The following PTPRQ variants were observed in gnomAD, a reference collection of about 807,000 sequenced individuals.
PTPRQ encodes the protein protein tyrosine phosphatase receptor type Q, also known as phosphatidylinositol phosphatase PTPRQ.
Under a neutral mutation model 246.0 loss-of-function variants are expected in PTPRQ, and 199 were observed. The observed-to-expected ratio is 0.81, with a 90% CI of 0.72 to 0.91. PTPRQ has a LOEUF of 0.91. Among genes scored for constraint, PTPRQ ranks in the 40% least tolerant of loss-of-function variants. The probability of loss-of-function intolerance (pLI) is 0.00; values close to 1 mark genes in which losing one functional copy is unlikely to be tolerated. For missense variants in PTPRQ, 2,624 were observed against 2,528.4 expected (o/e 1.04, Z -0.81); for synonymous variants, 869 against 853.2 (o/e 1.02, Z -0.32).
At chr12:80,678,118 G>A (rs1374265311) in intron 43 of PTPRQ, among the ~76,000 whole-genome samples, 1 of 152,012 alleles carries the variant, frequency 6.6e-6, no homozygotes, top group Non-Finnish European at 1.5e-5. Context: ...ATCTTAAGCA[G>A]GCCACATATC....
At chr12:80,677,488 T>A (rs114806434) in intron 43 of PTPRQ, among the ~76,000 whole-genome samples, 111 of 152,302 alleles carry the variant, frequency 7.3e-4, no homozygotes, top group African/African-American at 2.3e-3. Flanking sequence ...GTTGACTAGC[T>A]GTGAGAATTA....
At chr12:80,552,683 ATATATATATAT>A (rs1896521276) in intron 25 of PTPRQ, among the ~76,000 whole-genome samples, 11 of 125,032 alleles carry the variant, frequency 8.8e-5, no homozygotes, top group East Asian at 4.6e-4. Context: ...ATATATATAT[ATATATATATAT>A]TTGGAAATTT....
At chr12:80,673,338 T>C (rs1362776675) in intron 43 of PTPRQ, 34 bp downstream of exon 43, 1 of 1,530,336 alleles carries the variant, frequency 6.5e-7, no homozygotes, top group African/African-American at 1.4e-5. Flanking sequence ...CATTCTAAAG[T>C]TCTAGAATTT....
intron 6 of PTPRQ, among the ~76,000 whole-genome samples, chr12:80,468,344 A>T (rs891333188): frequency 6.6e-6 from 1 of 152,188 alleles, no homozygotes; most frequent in Admixed American, 6.5e-5. Flanking sequence ...CCAGATATCC[A>T]GACTTTGTTC....
intron 25 of PTPRQ, among the ~76,000 whole-genome samples, chr12:80,571,732 A>C (rs912141236): frequency 1.3e-5 from 2 of 151,904 alleles, no homozygotes; most frequent in Non-Finnish European, 2.9e-5. Flanking sequence ...TTTTTTTTGT[A>C]CATTTATCAA....
At chr12:80,491,044 C>T (rs1313234233) in intron 9 of PTPRQ, among the ~76,000 whole-genome samples, 3 of 151,790 alleles carry the variant, frequency 2.0e-5, no homozygotes, top group Admixed American at 2.0e-4. Flanking sequence ...TTTCTAATGT[C>T]AGAATATCAG....
intron 17 of PTPRQ, among the ~76,000 whole-genome samples, chr12:80,531,288 G>A (rs568840149): frequency 4.6e-5 from 7 of 151,924 alleles, no homozygotes; most frequent in African/African-American, 1.7e-4. Flanking sequence ...AAAAAAATCA[G>A]GATATAGAAC....
chr12:80,464,314 GCTAA>G (rs1324248139), intron 6 of PTPRQ, among the ~76,000 whole-genome samples: 2 of 107,792 alleles, frequency 1.9e-5, no homozygotes, highest in African/African-American at 7.4e-5. Context: ...AACAAGAAGA[GCTAA>G]CTATCCTAAA....
At chr12:80,496,143 A>C (rs1894612546) in intron 13 of PTPRQ, 37 bp downstream of exon 13, 2 of 1,543,714 alleles carry the variant, frequency 1.3e-6, no homozygotes, top group South Asian at 1.2e-5. Flanking sequence ...TTTTTTAAAA[A>C]AGTGGTTGTA....
At chr12:80,604,934 A>G in intron 26 of PTPRQ, 125 bp from the exon 27 acceptor site, 13 of 1,044,618 alleles carry the variant, frequency 1.2e-5, no homozygotes, top group Non-Finnish European at 1.6e-5. Flanking sequence ...TCTGTGAAAT[A>G]TAAATTAATG....
intron 8 of PTPRQ, 69 bp from the exon 9 acceptor site, chr12:80,484,364 G>T (rs10862139): frequency 6.8e-7 from 1 of 1,466,246 alleles, no homozygotes; most frequent in Non-Finnish European, 9.1e-7. Flanking sequence ...AAGAATTTAG[G>T]CACTTTTTTC....
chr12:80,556,668 T>C (rs1756987707), intron 25 of PTPRQ, among the ~76,000 whole-genome samples: 1 of 152,200 alleles, frequency 6.6e-6, no homozygotes, highest in African/African-American at 2.4e-5. Context: ...ATATCTTGGA[T>C]GGTTAGGTTG....
chr12:80,597,830 C>T (rs1487243068), intron 26 of PTPRQ, among the ~76,000 whole-genome samples: 1 of 151,920 alleles, frequency 6.6e-6, no homozygotes, highest in Non-Finnish European at 1.5e-5. Context: ...TCTATGGCTT[C>T]CCCAGTGATG....
intron 28 of PTPRQ, among the ~76,000 whole-genome samples, 180 bp downstream of exon 28, chr12:80,610,805 G>A (rs1284609761): frequency 6.7e-6 from 1 of 150,332 alleles, no homozygotes; most frequent in Non-Finnish European, 1.5e-5. Context: ...TATTTTTGAG[G>A]TAAAGAGGAG....
chr12:80,460,261 G>A (rs887356578), intron 5 of PTPRQ, among the ~76,000 whole-genome samples: 12 of 152,038 alleles, frequency 7.9e-5, no homozygotes, highest in Admixed American at 5.9e-4. Context: ...CTACTTTTTA[G>A]TACTTATGAG....
chr12:80,552,892 C>T (rs905061322), intron 25 of PTPRQ, among the ~76,000 whole-genome samples: 2 of 151,634 alleles, frequency 1.3e-5, no homozygotes, highest in Admixed American at 1.3e-4. Context: ...TGGTTCTAGA[C>T]TTATGGAGTC....
At chr12:80,642,237 C>T (rs914276085) in intron 35 of PTPRQ, among the ~76,000 whole-genome samples, 2 of 152,170 alleles carry the variant, frequency 1.3e-5, no homozygotes, top group Non-Finnish European at 2.9e-5. Flanking sequence ...GCCTGCCTGT[C>T]ATCTTGGCTA....
intron 35 of PTPRQ, among the ~76,000 whole-genome samples, chr12:80,643,784 T>C (rs1215183987): frequency 6.6e-6 from 1 of 152,176 alleles, no homozygotes. Context: ...TGATGAAATA[T>C]ATAAACTAAA....
intron 31 of PTPRQ, 130 bp downstream of exon 31, chr12:80,619,672 A>C: frequency 1.7e-6 from 1 of 581,046 alleles, no homozygotes; most frequent in Non-Finnish European, 2.5e-6. Flanking sequence ...GATTGTCAAT[A>C]TTATTATTAA....
Sources: allele counts gnomAD v4.1 joint callset (sites outside exome capture counted in the v4.1 genomes callset), GRCh38; gene constraint gnomAD v4.1.1; transcripts MANE v1.5; gene names NCBI Gene and HGNC (gene_info 2026-07-23, HGNC 2026-07-21).